CCR3: variants seen among roughly 807,000 people sequenced by gnomAD.
CCR3 encodes the protein C-C chemokine receptor type 3.
For synonymous variants in CCR3, 203 were observed against 179.2 expected (o/e 1.13, Z -1.06); for missense variants, 419 against 437.5 (o/e 0.96, Z 0.38).
At position 46,265,718 on chromosome 3, in the gene CCR3, A is replaced by T; in HGVS notation, c.560A>T (p.Tyr187Phe). Reference sequence around the variant, plus strand: ...GAAGAGACTCTTTGCAGTGCTCTTTACCCAGAGGATACAGTATATAGCTGG... The same window carrying T: ...GAAGAGACTCTTTGCAGTGCTCTTTTCCCAGAGGATACAGTATATAGCTGG... ...LFEETLCSAL[Y>F]PEDTVYSWRH... Residue 187 changes from tyrosine to phenylalanine, a missense_variant, in exon 2 of 2, where the codon TAC (tyrosine) becomes TTC (phenylalanine). By Grantham distance (22) the Tyr-to-Phe change is conservative. Transcript: ENST00000395940. 1 of 1,613,952 alleles carries T rather than the reference A, an allele frequency of 6.2e-7. No individual in the cohort carries two copies. Among genetic ancestry groups the T allele is most frequent in the Non-Finnish European group, 8.5e-7 (1 of 1,179,974 alleles).
chr3:46,257,250 T>G (rs866598219), intron 1 of CCR3, among the ~76,000 whole-genome samples: 13 of 152,258 alleles, frequency 8.5e-5, no homozygotes, highest in Non-Finnish European at 1.3e-4. Context: ...GCACTTGTAT[T>G]TGGAGAGTCG....
chr3:46,239,075 C>G (rs1448675277), upstream of CCR3, among the ~76,000 whole-genome samples: 1 of 152,072 alleles, frequency 6.6e-6, no homozygotes, highest in Non-Finnish European at 1.5e-5. Context: ...AAAATGGGTG[C>G]AAGCAAATGA....
At chr3:46,264,965 T>C (rs1700589121) in intron 1 of CCR3, among the ~76,000 whole-genome samples, 183 bp from the exon 2 acceptor site, 1 of 152,196 alleles carries the variant, frequency 6.6e-6, no homozygotes, top group African/African-American at 2.4e-5. Context: ...AAGCTTCAGC[T>C]CTTTCCTTCC....
At chr3:46,247,695 G>T (rs2125929364) in intron 1 of CCR3, among the ~76,000 whole-genome samples, 1 of 152,240 alleles carries the variant, frequency 6.6e-6, no homozygotes, top group South Asian at 2.1e-4. Flanking sequence ...AATGACTGCG[G>T]TGCCCTTCTC....
In CCR3 at chr3:46,265,187, C is replaced by T. The variant is rs780698715; in HGVS notation, c.29C>T (p.Thr10Ile). MTTSLDTVETFGTTSYYDDV... is the reference protein window; with the variant it reads MTTSLDTVEIFGTTSYYDDV... ...ACAACCTCACTAGATACAGTTGAGA[C>T]CTTTGGTACCACATCCTACTATGAT... Residue 10 changes from threonine (T) to isoleucine (I), a missense_variant, in exon 2 of 2, where the codon ACC becomes ATC. Physicochemically the swap from Thr to Ile is moderately conservative, Grantham distance 89. Transcript: ENST00000395940. The T allele has an allele frequency of 3.1e-6, 5 of 1,613,538 alleles. No individual in the cohort carries two copies. In the African/African-American group the frequency reaches 5.3e-5, roughly 17 times the overall value.
At chr3:46,237,980 A>G (rs1398479690), upstream of CCR3, among the ~76,000 whole-genome samples, 2 of 152,250 alleles carry the variant, frequency 1.3e-5, no homozygotes, top group Non-Finnish European at 2.9e-5. Flanking sequence ...ATCTGCTTAC[A>G]TTTCCTAGTT....
intron 1 of CCR3, among the ~76,000 whole-genome samples, chr3:46,250,523 C>G (rs1245063841): frequency 6.6e-6 from 1 of 152,074 alleles, no homozygotes; most frequent in Admixed American, 6.5e-5. Context: ...CACCTCAGAC[C>G]ATTTGCCTAT....
At chr3:46,232,395 C>G (rs959602459) in intron 2 of CCR3, among the ~76,000 whole-genome samples, 5 of 152,192 alleles carry the variant, frequency 3.3e-5, no homozygotes, top group African/African-American at 1.2e-4. Context: ...GCCGGCAGAA[C>G]CCCAGTGAGG....
intron 2 of CCR3, among the ~76,000 whole-genome samples, chr3:46,235,869 G>A (rs1174305764): frequency 1.3e-5 from 2 of 152,184 alleles, no homozygotes; most frequent in Non-Finnish European, 2.9e-5. Flanking sequence ...AAGGCTCTAC[G>A]CACATCAAAT....
chr3:46,249,093 A>G (rs1211756446), intron 1 of CCR3, among the ~76,000 whole-genome samples: 1 of 152,054 alleles, frequency 6.6e-6, no homozygotes, highest in Non-Finnish European at 1.5e-5. Flanking sequence ...TTTTAACGAG[A>G]TGGTAAGGGG....
chr3:46,220,851 C>T (rs1699827807), intron 2 of CCR3, among the ~76,000 whole-genome samples: 2 of 152,060 alleles, frequency 1.3e-5, no homozygotes, highest in South Asian at 2.1e-4. Context: ...GAGACTTAGA[C>T]GGAAGGGTGG....
chr3:46,233,699 G>T (rs1699993314), intron 2 of CCR3, among the ~76,000 whole-genome samples: 1 of 152,166 alleles, frequency 6.6e-6, no homozygotes, highest in Admixed American at 6.5e-5. Context: ...TCCCGTGGTA[G>T]GAAAAGCCAG....
rs1461548888 is a variant in CCR3 at position 46,265,273 on chromosome 3, C to A, written c.115C>A (p.Pro39Thr). 1 of 1,613,896 alleles carries A rather than the reference C, an allele frequency of 6.2e-7. No individual in the cohort carries two copies. The highest frequency in any genetic ancestry group is 1.3e-5 in the African/African-American group (1 of 74,912). ...TRALMAQFVP[P>T]LYSLVFTVGL... ...AGCACTGATGGCCCAGTTTGTGCCC[C>A]CGCTGTACTCCCTGGTGTTCACTGT... is the stretch of plus-strand genomic sequence containing the variant. Residue 39 changes from proline to threonine, a missense_variant, in exon 2 of 2, where the codon CCG (proline) becomes ACG (threonine). Physicochemically the swap from Pro to Thr is conservative, Grantham distance 38. Transcript: ENST00000395940.
intron 1 of CCR3, chr3:46,264,234 G>C (rs1700576916): frequency 1.7e-6 from 1 of 605,064 alleles, no homozygotes; most frequent in Non-Finnish European, 2.9e-6. Flanking sequence ...CCAGGGGTTT[G>C]CTTTTTGCAT....
chr3:46,239,843 C>G (rs933276005), upstream of CCR3, among the ~76,000 whole-genome samples: 2 of 152,152 alleles, frequency 1.3e-5, no homozygotes, highest in Admixed American at 6.5e-5. Context: ...GTGGGATTTC[C>G]ACCCAGAAAA....
chr3:46,216,553 A>G (rs1446026632), intron 2 of CCR3, among the ~76,000 whole-genome samples: 1 of 152,192 alleles, frequency 6.6e-6, no homozygotes, highest in African/African-American at 2.4e-5. Context: ...CAAGTTACCT[A>G]AAGTCAAGAT....
rs1009116284 is a variant in CCR3, at chr3:46,242,549, C to T, written c.-12+11C>T. On this transcript the variant is annotated intron_variant, in intron 1 of 1. Coordinates refer to ENST00000395940, the MANE Select transcript of CCR3 (RefSeq NM_178329.3). ...AGAAGAGATTTTCAGGTAGGTGTCGCTTTTCCAGGAAAAGGGAGGTGGAAC... is the reference window on the plus strand; with the variant it reads ...AGAAGAGATTTTCAGGTAGGTGTCGTTTTTCCAGGAAAAGGGAGGTGGAAC... 4.0e-5 allele frequency: 6 copies of T among 151,850 alleles called. No homozygotes were observed. The highest frequency in any genetic ancestry group is 1.2e-4 in the African/African-American group (5 of 41,312). 9.4% of individuals were successfully genotyped at this position (151,850 alleles called of 1,614,324 possible).
chr3:46,265,272 C>A lies in CCR3; in HGVS notation c.114C>A (p.Pro38=), dbSNP rs777414237. ...DTRALMAQFV[P]PLYSLVFTVG... ...GAGCACTGATGGCCCAGTTTGTGCC[C>A]CCGCTGTACTCCCTGGTGTTCACTG... Residue 38 remains proline (P), a synonymous_variant, in exon 2 of 2, where the codon CCC becomes CCA. Transcript: ENST00000395940. The A allele has an allele frequency of 6.2e-7, 1 of 1,614,012 alleles. No individual in the cohort carries two copies. Among genetic ancestry groups the A allele is most frequent in the South Asian group, 1.1e-5 (1 of 91,076 alleles).
Position 46,266,480 on chromosome 3 carries a change from G to T in CCR3, c.*254G>T. ...AGCTTTGCTTCTCTCTCTAAAATGA[G>T]TTACCTACATTTTAATGCACCTGAA... On this transcript the variant is annotated 3_prime_UTR_variant, in exon 2 of 2. Transcript: ENST00000395940. The T allele has an allele frequency of 2.6e-6, 1 of 390,700 alleles. No homozygotes were observed. Among genetic ancestry groups the T allele is most frequent in the Non-Finnish European group, 4.7e-6 (1 of 211,562 alleles). The allele number at this position is 390,700 out of a possible 1,614,324, so 24.2% of individuals were successfully genotyped here. A position where few individuals can be genotyped will look rare whatever the true frequency, so the allele number is the denominator to read the frequency against.
Sources: allele counts gnomAD v4.1 joint callset (sites outside exome capture counted in the v4.1 genomes callset), GRCh38; gene constraint gnomAD v4.1.1; transcripts MANE v1.5; gene names NCBI Gene and HGNC (gene_info 2026-07-23, HGNC 2026-07-21).